COX7B2: variants seen among roughly 807,000 people sequenced by gnomAD.
The protein encoded by COX7B2 is cytochrome c oxidase subunit 7B2.
For synonymous variants in COX7B2, 37 were observed against 32.1 expected, an observed-to-expected ratio of 1.15 and a Z score of -0.51; for missense variants, 109 against 95.9, an observed-to-expected ratio of 1.14 and a Z score of -0.57.
At position 46,858,871 on chromosome 4, in the gene COX7B2, A is replaced by G. The variant is rs546019449; in HGVS notation, c.-104-13857T>C. ...CCTAACATGTAGGAAGGGATTAACC[A>G]CTTTTAAAAGTCATTTCACAAACAT... On this transcript the variant is annotated intron_variant, in intron 1 of 2. Coordinates refer to ENST00000355591, the MANE Select transcript of COX7B2 (RefSeq NM_130902.3). Among the ~76,000 whole-genome samples, 4 of 152,338 alleles carry G rather than the reference A, an allele frequency of 2.6e-5. No homozygotes were observed. In the South Asian group the frequency reaches 8.3e-4, roughly 32 times the overall value.
intron 2 of COX7B2, among the ~76,000 whole-genome samples, chr4:46,796,292 AATGCTTCCAGTTTTTGCC>A: frequency 6.8e-6 from 1 of 148,006 alleles, no homozygotes; most frequent in Admixed American, 6.7e-5. Flanking sequence ...TTTCAAAGGG[AATGCTTCCAGTTTTTGCC>A]CATTTATGCA....
intron 1 of COX7B2, among the ~76,000 whole-genome samples, chr4:46,872,918 A>G (rs1376636909): frequency 2.0e-5 from 3 of 151,900 alleles, no homozygotes; most frequent in Non-Finnish European, 4.4e-5. Flanking sequence ...GGTTAGCTGC[A>G]CTCATCAACC....
At chr4:46,763,772 A>G (rs949301255) in intron 2 of COX7B2, among the ~76,000 whole-genome samples, 5 of 152,196 alleles carry the variant, frequency 3.3e-5, no homozygotes, top group Admixed American at 6.5e-5. Flanking sequence ...ATCACACTTG[A>G]AGCTGCATAA....
intron 2 of COX7B2, among the ~76,000 whole-genome samples, chr4:46,827,088 G>T (rs1442254511): frequency 1.3e-5 from 2 of 151,850 alleles, no homozygotes; most frequent in Non-Finnish European, 2.9e-5. Context: ...AACAATAAAG[G>T]TTCAGAGACT....
intron 2 of COX7B2, among the ~76,000 whole-genome samples, chr4:46,745,939 G>T (rs1714996650): frequency 6.6e-6 from 1 of 151,880 alleles, no homozygotes; most frequent in African/African-American, 2.4e-5. Flanking sequence ...GTCTAAAAGG[G>T]CACCCCTAAA....
intron 2 of COX7B2, among the ~76,000 whole-genome samples, chr4:46,820,478 G>A (rs541150834): frequency 2.6e-5 from 4 of 152,132 alleles, no homozygotes; most frequent in Admixed American, 6.5e-5. Flanking sequence ...ACCGGTCCAT[G>A]GCCTGCGGGT....
At chr4:46,875,892 A>C (rs2109834469) in intron 1 of COX7B2, among the ~76,000 whole-genome samples, 2 of 152,104 alleles carry the variant, frequency 1.3e-5, no homozygotes, top group South Asian at 4.1e-4. Context: ...TATAAATTCT[A>C]TTAAAATTTC....
At chr4:46,842,267 C>T in intron 2 of COX7B2, among the ~76,000 whole-genome samples, 1 of 151,954 alleles carries the variant, frequency 6.6e-6, no homozygotes, top group East Asian at 1.9e-4. Context: ...TCTATGCTTT[C>T]CCTGAAGGTT....
chr4:46,774,700 C>T (rs1002186907), intron 2 of COX7B2, among the ~76,000 whole-genome samples: 1 of 151,810 alleles, frequency 6.6e-6, no homozygotes, highest in Admixed American at 6.6e-5. Context: ...TCTCTCATAT[C>T]CCTATCCATT....
chr4:46,839,951 C>T (rs1715818546), intron 2 of COX7B2, among the ~76,000 whole-genome samples: 1 of 152,026 alleles, frequency 6.6e-6, no homozygotes, highest in African/African-American at 2.4e-5. Flanking sequence ...AACTGTAATA[C>T]TAATGAGTAT....
intron 1 of COX7B2, among the ~76,000 whole-genome samples, chr4:46,846,910 T>C (rs1042776466): frequency 6.6e-6 from 1 of 151,844 alleles, no homozygotes; most frequent in Non-Finnish European, 1.5e-5. Context: ...TAGAAGAGTG[T>C]GGGAAAAAAC....
At chr4:46,800,154 C>T (rs1030659952) in intron 2 of COX7B2, among the ~76,000 whole-genome samples, 3 of 151,764 alleles carry the variant, frequency 2.0e-5, no homozygotes, top group African/African-American at 7.3e-5. Flanking sequence ...TTTACATGCT[C>T]ATAAATAGAA....
intron 1 of COX7B2, among the ~76,000 whole-genome samples, chr4:46,864,626 T>C (rs1465596417): frequency 6.7e-6 from 1 of 149,332 alleles, no homozygotes; most frequent in Non-Finnish European, 1.5e-5. Flanking sequence ...ATTCCTAGAG[T>C]TGTTGGTCAG....
intron 1 of COX7B2, among the ~76,000 whole-genome samples, chr4:46,864,696 G>A (rs761691953): frequency 6.6e-6 from 1 of 151,924 alleles, no homozygotes; most frequent in Admixed American, 6.6e-5. Flanking sequence ...CCAGGCTGGA[G>A]TGCAGTGGCG....
At chr4:46,850,004 T>A (rs1716559874) in intron 1 of COX7B2, among the ~76,000 whole-genome samples, 1 of 149,362 alleles carries the variant, frequency 6.7e-6, no homozygotes. Context: ...CTAAAAGATG[T>A]TTTTTTTATC....
intron 1 of COX7B2, among the ~76,000 whole-genome samples, chr4:46,855,477 G>A (rs182600220): frequency 6.6e-6 from 1 of 151,932 alleles, no homozygotes; most frequent in Non-Finnish European, 1.5e-5. Flanking sequence ...AAAATAAAGA[G>A]AGAAAAGTAT....
chr4:46,781,534 C>T (rs569891137), intron 2 of COX7B2, among the ~76,000 whole-genome samples: 7 of 152,360 alleles, frequency 4.6e-5, no homozygotes, highest in Non-Finnish European at 8.8e-5. Flanking sequence ...GCAGCCCTCG[C>T]TTGCTCTCAG....
intron 1 of COX7B2, among the ~76,000 whole-genome samples, chr4:46,890,759 A>G (rs949054483): frequency 6.6e-6 from 1 of 152,210 alleles, no homozygotes; most frequent in African/African-American, 2.4e-5. Flanking sequence ...CAATGCTTGG[A>G]GAACAGTGAG....
At chr4:46,747,283 T>A (rs1019896840) in intron 2 of COX7B2, among the ~76,000 whole-genome samples, 3 of 127,502 alleles carry the variant, frequency 2.4e-5, no homozygotes, top group Admixed American at 1.8e-4. Flanking sequence ...TAAGCTCCTA[T>A]TTTATTTTAT....
Sources: gnomAD v4.1 joint callset for allele counts (sites outside exome capture counted in the v4.1 genomes callset) on GRCh38, gnomAD v4.1.1 for gene constraint, MANE v1.5 for transcripts, NCBI Gene and HGNC (gene_info 2026-07-23, HGNC 2026-07-21) for gene names.